SLC35F5: variants seen among roughly 807,000 people sequenced by gnomAD.
The protein encoded by SLC35F5 is HCV NS5A-transactivated protein 3.
Under a neutral mutation model 68.6 loss-of-function variants are expected in SLC35F5, and 54 were observed. The ratio of observed to expected loss-of-function variants is 0.79; its 90% confidence interval spans 0.63 to 0.99. SLC35F5 has a LOEUF of 0.99. Ranked by LOEUF, SLC35F5 falls within the 50% of genes least tolerant of loss-of-function variation. The pLI is 0.00. For missense variants in SLC35F5, 567 were observed against 626.9 expected (o/e 0.90, Z 1.02); for synonymous variants, 211 against 205.2 (o/e 1.03, Z -0.24).
At chr2:113,744,974 T>G (rs1345884087) in intron 5 of SLC35F5, among the ~76,000 whole-genome samples, 1 of 152,064 alleles carries the variant, frequency 6.6e-6, no homozygotes, top group Non-Finnish European at 1.5e-5. Context: ...TTAACAGAAC[T>G]TTTTTTTATT....
intron 1 of SLC35F5, chr2:113,755,753 G>A: frequency 2.6e-6 from 3 of 1,154,858 alleles, no homozygotes; most frequent in Admixed American, 2.0e-5. Context: ...GATACGGGGC[G>A]GGCAGGGAGG....
At chr2:113,727,560 C>A (rs549535673) in intron 11 of SLC35F5, among the ~76,000 whole-genome samples, 6 of 152,252 alleles carry the variant, frequency 3.9e-5, no homozygotes, top group African/African-American at 1.4e-4. Flanking sequence ...AATGACCCCA[C>A]CTATTCCCTC....
intron 3 of SLC35F5, among the ~76,000 whole-genome samples, chr2:113,753,282 G>A (rs187613694): frequency 0.011 from 1,534 of 138,804 alleles, 24 homozygotes; most frequent in Non-Finnish European, 0.014. Flanking sequence ...AGGTTCAAGC[G>A]ATTCTCCTGC....
intron 11 of SLC35F5, 100 bp from the exon 12 acceptor site, chr2:113,725,637 C>T (rs1447695550): frequency 6.1e-6 from 7 of 1,140,246 alleles, no homozygotes; most frequent in Admixed American, 3.3e-5. Context: ...CAAAAGCACT[C>T]TGGGAGGTTT....
chr2:113,721,987 T>TTG (rs1477821028), intron 13 of SLC35F5, among the ~76,000 whole-genome samples: 8 of 147,746 alleles, frequency 5.4e-5, no homozygotes, highest in African/African-American at 2.0e-4. Context: ...TTTTTTTTTT[T>TTG]TTTTTGAGAT....
At chr2:113,744,138 C>A (rs764075705) in intron 5 of SLC35F5, among the ~76,000 whole-genome samples, 1 of 152,162 alleles carries the variant, frequency 6.6e-6, no homozygotes, top group Non-Finnish European at 1.5e-5. Flanking sequence ...TTAACAAATG[C>A]TCATAGTAGG....
At chr2:113,735,998 A>C in intron 7 of SLC35F5, 140 bp from the exon 8 acceptor site, 1 of 542,866 alleles carries the variant, frequency 1.8e-6, no homozygotes, top group Non-Finnish European at 3.3e-6. Flanking sequence ...TATTGAAAAA[A>C]TCACAGGCTC....
In SLC35F5 at chr2:113,742,841, C is replaced by T; in HGVS notation, c.601G>A (p.Glu201Lys). ...KSRVRFSNIM[E>K]IRQLPSSHAL... Reference sequence around the variant, plus strand: ...TGACTTGACGGAAGCTGTCGAATCTCCATGATATTACTGAACCTCACACGA... The same window carrying T: ...TGACTTGACGGAAGCTGTCGAATCTTCATGATATTACTGAACCTCACACGA... The change falls in exon 7 of 16, where the codon GAG becomes AAG. Residue 201 changes from glutamate to lysine, a missense_variant. By Grantham distance (56) the Glu-to-Lys change is moderately conservative. Coordinates refer to ENST00000245680, the MANE Select transcript of SLC35F5 (RefSeq NM_025181.5). 6.2e-7 allele frequency: 1 copy of T among 1,614,106 alleles called. No individual in the cohort carries two copies. Among genetic ancestry groups the T allele is most frequent in the Non-Finnish European group, 8.5e-7 (1 of 1,179,994 alleles).
rs1868386 is a variant in SLC35F5, at chr2:113,709,369, A to G, written c.*5849T>C. Among the ~76,000 whole-genome samples, 168 of 152,356 alleles carry G rather than the reference A, an allele frequency of 1.1e-3. No homozygotes were observed. Among genetic ancestry groups the G allele is most frequent in the African/African-American group, 3.9e-3 (163 of 41,576 alleles). On this transcript the variant is annotated 3_prime_UTR_variant, in exon 16 of 16. Coordinates refer to ENST00000245680, the MANE Select transcript of SLC35F5 (RefSeq NM_025181.5). ...ACTACAAAATTAAACTTTTAGAATC[A>G]CAGCATTTTACACCTGAGAGGAATC...
chr2:113,723,274 T>G lies in SLC35F5; in HGVS notation c.1251-80A>C, dbSNP rs1327921515. 16 of 944,220 alleles carry G rather than the reference T, an allele frequency of 1.7e-5. No individual in the cohort carries two copies. The East Asian group carries it at 4.3e-4, about 25-fold the overall frequency. The allele number at this position is 944,220 out of a possible 1,614,324, so 58.5% of individuals were successfully genotyped here. A position where few individuals can be genotyped will look rare whatever the true frequency, so the allele number is the denominator to read the frequency against. ...CACTGAACAAAGACTTTCTATCCTA[T>G]AATATAGGCCTGTGAGATCAGGAGC... On this transcript the variant is annotated intron_variant, in intron 12 of 15. Coordinates refer to ENST00000245680, the MANE Select transcript of SLC35F5 (RefSeq NM_025181.5).
downstream of SLC35F5, among the ~76,000 whole-genome samples, chr2:113,703,451 T>G (rs1455167891): frequency 6.6e-6 from 1 of 152,164 alleles, no homozygotes; most frequent in East Asian, 1.9e-4. Context: ...ACAAATCCCC[T>G]TACCAAACCC....
intron 1 of SLC35F5, 186 bp from the exon 2 acceptor site, chr2:113,755,730 T>TA (rs1044522938): frequency 7.9e-5 from 85 of 1,076,286 alleles, no homozygotes; most frequent in Non-Finnish European, 9.1e-5. Flanking sequence ...AGATTATACT[T>TA]AGAGAGATAC....
downstream of SLC35F5, among the ~76,000 whole-genome samples, chr2:113,705,821 T>C (rs970056749): frequency 7.2e-5 from 11 of 152,326 alleles, no homozygotes; most frequent in African/African-American, 2.2e-4. Flanking sequence ...TCTTATCTTT[T>C]GTCACTGAAA....
At chr2:113,720,328 A>T (rs1574214926) in intron 13 of SLC35F5, among the ~76,000 whole-genome samples, 2 of 39,486 alleles carry the variant, frequency 5.1e-5, no homozygotes, top group African/African-American at 1.6e-4. Context: ...TTGAGAATTA[A>T]AAAAAAAAAA....
At chr2:113,755,742 C>T in intron 1 of SLC35F5, 198 bp from the exon 2 acceptor site, 1 of 1,088,698 alleles carries the variant, frequency 9.2e-7, no homozygotes. Context: ...GAGAGATACG[C>T]GATACGGGGC....
At position 113,707,287 on chromosome 2, in the gene SLC35F5, C is replaced by T. The variant is rs1044772028; in HGVS notation, c.*7931G>A. Among the ~76,000 whole-genome samples, 2 of 152,132 alleles carry T rather than the reference C, an allele frequency of 1.3e-5. No individual in the cohort carries two copies. Among genetic ancestry groups the T allele is most frequent in the Non-Finnish European group, 2.9e-5 (2 of 68,030 alleles). On this transcript the variant is annotated 3_prime_UTR_variant, in exon 16 of 16. Transcript: ENST00000245680. ...GCACATAGCTACTGATTACTCAATA[C>T]AGGCCTATCAGATAAAACTAAAATG...
At chr2:113,744,972 A>C (rs1170404987) in intron 5 of SLC35F5, among the ~76,000 whole-genome samples, 3 of 152,126 alleles carry the variant, frequency 2.0e-5, no homozygotes, top group Non-Finnish European at 2.9e-5. Context: ...AATTAACAGA[A>C]CTTTTTTTTA....
At chr2:113,721,049 A>G (rs890121188) in intron 13 of SLC35F5, among the ~76,000 whole-genome samples, 7 of 152,154 alleles carry the variant, frequency 4.6e-5, no homozygotes, top group African/African-American at 1.2e-4. Flanking sequence ...GATGCTTTCT[A>G]TTATATAAAA....
At chr2:113,735,741 A>AT in intron 8 of SLC35F5, 36 bp downstream of exon 8, 1 of 1,394,072 alleles carries the variant, frequency 7.2e-7, no homozygotes, top group Non-Finnish European at 1.0e-6. Flanking sequence ...ACATACACTG[A>AT]TTTATAATGC....
Sources: allele counts gnomAD v4.1 joint callset (sites outside exome capture counted in the v4.1 genomes callset), GRCh38; gene constraint gnomAD v4.1.1; transcripts MANE v1.5; gene names NCBI Gene and HGNC (gene_info 2026-07-23, HGNC 2026-07-21).